GTF2F2: variants seen among roughly 807,000 people sequenced by gnomAD.
The protein encoded by GTF2F2 is general transcription factor IIF subunit 2, also known as ATP-dependent helicase GTF2F2.
In GTF2F2, 23 loss-of-function variants were observed where a neutral mutation model predicts 42.2. That is an observed-to-expected ratio of 0.55 (90% CI 0.39 to 0.77). GTF2F2 has a LOEUF of 0.77. Among genes scored for constraint, GTF2F2 ranks in the 30% least tolerant of loss-of-function variants. GTF2F2 has a pLI of 0.00. For missense variants in GTF2F2, 261 were observed against 287.2 expected, an observed-to-expected ratio of 0.91 and a Z score of 0.66; for synonymous variants, 105 against 100.8, an observed-to-expected ratio of 1.04 and a Z score of -0.25.
chr13:45,151,127 TCTCC>T (rs1870470951), intron 3 of GTF2F2, among the ~76,000 whole-genome samples: 1 of 152,166 alleles, frequency 6.6e-6, no homozygotes, highest in Non-Finnish European at 1.5e-5. Context: ...TGGTCTCCTC[TCTCC>T]CTCTCTCTTT....
intron 7 of GTF2F2, among the ~76,000 whole-genome samples, chr13:45,275,078 C>T (rs764267723): frequency 6.6e-6 from 1 of 152,130 alleles, no homozygotes; most frequent in Admixed American, 6.6e-5. Context: ...TACAGGGAAC[C>T]ACTAATGTTA....
At chr13:45,247,115 T>C (rs1044945497) in intron 5 of GTF2F2, among the ~76,000 whole-genome samples, 2 of 150,600 alleles carry the variant, frequency 1.3e-5, no homozygotes, top group African/African-American at 4.9e-5. Context: ...TTTGGGAGGC[T>C]AAGGCGGGCA....
intron 7 of GTF2F2, among the ~76,000 whole-genome samples, chr13:45,280,544 C>T (rs1414027748): frequency 1.3e-5 from 2 of 152,192 alleles, no homozygotes; most frequent in Non-Finnish European, 2.9e-5. Flanking sequence ...GATCACAGTA[C>T]ATTGTGACCC....
intron 4 of GTF2F2, among the ~76,000 whole-genome samples, chr13:45,156,186 G>A (rs1248797994): frequency 2.0e-5 from 3 of 152,172 alleles, no homozygotes; most frequent in Admixed American, 2.0e-4. Flanking sequence ...TAAGCCCTGT[G>A]CTAGAATAAG....
chr13:45,199,803 C>A (rs1310904767), intron 4 of GTF2F2, among the ~76,000 whole-genome samples: 1 of 152,164 alleles, frequency 6.6e-6, no homozygotes, highest in Non-Finnish European at 1.5e-5. Flanking sequence ...AAGAGGGTCT[C>A]TGTTACCGTA....
chr13:45,150,726 T>C (rs142945978), intron 3 of GTF2F2, among the ~76,000 whole-genome samples: 1 of 150,358 alleles, frequency 6.7e-6, no homozygotes, highest in Non-Finnish European at 1.5e-5. Context: ...GTATTTTTAG[T>C]AGAGACAACG....
At chr13:45,161,537 A>T (rs1327843366) in intron 4 of GTF2F2, among the ~76,000 whole-genome samples, 1 of 152,098 alleles carries the variant, frequency 6.6e-6, no homozygotes, top group Non-Finnish European at 1.5e-5. Flanking sequence ...TTCAGTGTTT[A>T]TTGTTGGTTT....
chr13:45,137,107 C>T (rs547490583), intron 2 of GTF2F2, among the ~76,000 whole-genome samples: 68 of 152,340 alleles, frequency 4.5e-4, no homozygotes, highest in African/African-American at 1.6e-3. Context: ...TCCATCCTGT[C>T]TGCCTCCTTG....
intron 4 of GTF2F2, among the ~76,000 whole-genome samples, chr13:45,185,165 C>T (rs1467497314): frequency 6.6e-6 from 1 of 152,056 alleles, no homozygotes; most frequent in Non-Finnish European, 1.5e-5. Context: ...TTATAGTATA[C>T]CTAAAAATGT....
chr13:45,155,687 T>C (rs936425739), intron 4 of GTF2F2, among the ~76,000 whole-genome samples: 2 of 152,216 alleles, frequency 1.3e-5, no homozygotes, highest in Admixed American at 1.3e-4. Flanking sequence ...TGAGAGAATA[T>C]ATTTTATTTT....
intron 7 of GTF2F2, among the ~76,000 whole-genome samples, chr13:45,271,019 G>A (rs1324897977): frequency 1.3e-5 from 2 of 152,144 alleles, no homozygotes; most frequent in South Asian, 2.1e-4. Context: ...TTGGCCGGGC[G>A]CGGTGGCTCA....
chr13:45,213,604 A>T (rs991185379), intron 5 of GTF2F2, among the ~76,000 whole-genome samples: 4 of 152,062 alleles, frequency 2.6e-5, no homozygotes, highest in Non-Finnish European at 4.4e-5. Flanking sequence ...ACTTCATGAG[A>T]GCAGAGACTA....
At chr13:45,121,862 G>A (rs907348120) in intron 1 of GTF2F2, among the ~76,000 whole-genome samples, 20 of 152,114 alleles carry the variant, frequency 1.3e-4, no homozygotes, top group Non-Finnish European at 2.8e-4. Flanking sequence ...GATTAAATAG[G>A]CATTTCTCTC....
chr13:45,229,452 G>A (rs191264520), intron 5 of GTF2F2, among the ~76,000 whole-genome samples: 1 of 152,198 alleles, frequency 6.6e-6, no homozygotes, highest in Admixed American at 6.5e-5. Flanking sequence ...TACACACTGT[G>A]ATTATACTTA....
chr13:45,124,863 C>G (rs1157180703), intron 1 of GTF2F2, among the ~76,000 whole-genome samples: 1 of 151,936 alleles, frequency 6.6e-6, no homozygotes, highest in Non-Finnish European at 1.5e-5. Flanking sequence ...TGTGCCCAGC[C>G]AAGACAGGGT....
chr13:45,162,928 A>C (rs1485720585), intron 4 of GTF2F2, among the ~76,000 whole-genome samples: 6 of 99,242 alleles, frequency 6.0e-5, no homozygotes, highest in Non-Finnish European at 1.2e-4. Context: ...CCCACCCCCC[A>C]CCCCCTAACC....
chr13:45,239,543 G>A (rs1875174605), intron 5 of GTF2F2, among the ~76,000 whole-genome samples: 1 of 152,174 alleles, frequency 6.6e-6, no homozygotes, highest in African/African-American at 2.4e-5. Flanking sequence ...TCATCTATTT[G>A]ACCTTACTCA....
intron 2 of GTF2F2, among the ~76,000 whole-genome samples, chr13:45,149,247 CA>C (rs1452936556): frequency 6.8e-6 from 1 of 146,052 alleles, no homozygotes; most frequent in Non-Finnish European, 1.5e-5. Flanking sequence ...CCAGCCTGGA[CA>C]ACATGGTGAG....
intron 4 of GTF2F2, among the ~76,000 whole-genome samples, chr13:45,183,062 T>C (rs1872240875): frequency 6.6e-6 from 1 of 152,114 alleles, no homozygotes; most frequent in Non-Finnish European, 1.5e-5. Context: ...TTCATGTCCT[T>C]TGTCAAGTAA....
Sources: gnomAD v4.1 joint callset for allele counts (sites outside exome capture counted in the v4.1 genomes callset) on GRCh38, gnomAD v4.1.1 for gene constraint, MANE v1.5 for transcripts, NCBI Gene and HGNC (gene_info 2026-07-23, HGNC 2026-07-21) for gene names.